Variants in CAPZA2 observed in about 807,000 individuals in gnomAD.
CAPZA2 encodes F-actin-capping protein subunit alpha-2.
A neutral mutation model predicts 44.0 loss-of-function variants in CAPZA2; 13 were observed. The ratio of observed to expected loss-of-function variants is 0.30; its 90% CI spans 0.19 to 0.47. CAPZA2 has a LOEUF of 0.47. Ranked by LOEUF, CAPZA2 falls within the 20% of genes least tolerant of loss-of-function variation. The pLI, the probability that CAPZA2 is intolerant of heterozygous loss-of-function variation, is 1.00. For missense variants in CAPZA2, 244 were observed against 338.6 expected (o/e 0.72, Z 2.19); for synonymous variants, 94 against 108.2 (o/e 0.87, Z 0.81).
chr7:116,916,603 T>C (rs1479961078), intron 9 of CAPZA2, among the ~76,000 whole-genome samples: 1 of 151,958 alleles, frequency 6.6e-6, no homozygotes, highest in East Asian at 1.9e-4. Context: ...TCCAGCCTGG[T>C]GACAGAGCGA....
chr7:116,903,723 CTG>C (rs1245137796), intron 4 of CAPZA2, among the ~76,000 whole-genome samples: 3 of 152,172 alleles, frequency 2.0e-5, no homozygotes, highest in African/African-American at 7.2e-5. Flanking sequence ...GTAGGTAAGA[CTG>C]TGGGCCCAGA....
At chr7:116,875,166 C>T (rs1297838367) in intron 1 of CAPZA2, 2 of 151,554 alleles carry the variant, frequency 1.3e-5, no homozygotes, top group African/African-American at 4.9e-5. Context: ...TCTTTCCTTG[C>T]CTGAACTGTT....
chr7:116,906,666 G>T (rs1315461366), intron 6 of CAPZA2: 3 of 218,022 alleles, frequency 1.4e-5, no homozygotes, highest in African/African-American at 4.6e-5. Context: ...TGAAACTTAT[G>T]TGCAGGAGAA....
chr7:116,865,868 A>T (rs556333552), intron 1 of CAPZA2, among the ~76,000 whole-genome samples: 4 of 152,246 alleles, frequency 2.6e-5, no homozygotes, highest in Non-Finnish European at 5.9e-5. Context: ...GGCATGAGCC[A>T]TGATTCCTAG....
intron 4 of CAPZA2, among the ~76,000 whole-genome samples, chr7:116,899,337 T>G (rs932755177): frequency 4.6e-5 from 7 of 151,962 alleles, no homozygotes; most frequent in Admixed American, 3.9e-4. Context: ...ATTATATGAA[T>G]GCATTTCATG....
intron 1 of CAPZA2, among the ~76,000 whole-genome samples, chr7:116,862,922 CG>C (rs1033603971): frequency 3.3e-5 from 5 of 151,786 alleles, no homozygotes; most frequent in Admixed American, 3.3e-4. Context: ...CGACGGCGGG[CG>C]GGGGCGCGGG....
intron 1 of CAPZA2, 68 bp from the exon 2 acceptor site, chr7:116,888,059 G>A (rs1796786119): frequency 1.9e-6 from 2 of 1,062,598 alleles, no homozygotes; most frequent in Admixed American, 2.0e-5. Flanking sequence ...ATATAATTTT[G>A]CATGTTTTGT....
Position 116,906,260 on chromosome 7 carries a change from A to G in CAPZA2, c.427-3A>G. The G allele has an allele frequency of 6.2e-7, 1 of 1,610,936 alleles. No individual in the cohort carries two copies. The highest frequency in any genetic ancestry group is 8.5e-7 in the Non-Finnish European group (1 of 1,179,352). On this transcript the variant is annotated splice_region_variant and splice_polypyrimidine_tract_variant and intron_variant, in intron 5 of 9. Coordinates refer to ENST00000361183, the MANE Select transcript of CAPZA2 (RefSeq NM_006136.3). ...TCTTATGCTTATTTTCTTTGCCAATAAGGTGTATGGCAAAAAAATAGATGG... is the reference window on the plus strand; with the variant it reads ...TCTTATGCTTATTTTCTTTGCCAATGAGGTGTATGGCAAAAAAATAGATGG...
At chr7:116,887,498 A>G (rs1035174196) in intron 1 of CAPZA2, among the ~76,000 whole-genome samples, 1 of 151,768 alleles carries the variant, frequency 6.6e-6, no homozygotes, top group Non-Finnish European at 1.5e-5. Flanking sequence ...ACTGCACTCC[A>G]GCCTGGTGAC....
intron 1 of CAPZA2, among the ~76,000 whole-genome samples, chr7:116,883,323 A>G (rs1796723480): frequency 6.6e-6 from 1 of 152,056 alleles, no homozygotes; most frequent in South Asian, 2.1e-4. Context: ...AGAATAAATA[A>G]TTTTTAAAAT....
chr7:116,904,436 T>C, intron 5 of CAPZA2, 53 bp downstream of exon 5: 1 of 1,050,342 alleles, frequency 9.5e-7, no homozygotes, highest in Non-Finnish European at 1.5e-6. Context: ...TGTGAGTCTT[T>C]AGCGTCTCTT....
chr7:116,879,675 C>G (rs1204295653), intron 1 of CAPZA2, among the ~76,000 whole-genome samples: 1 of 152,048 alleles, frequency 6.6e-6, no homozygotes, highest in Non-Finnish European at 1.5e-5. Context: ...GCTTGCTTGC[C>G]CACTCCTCAC....
At chr7:116,885,901 A>G (rs1796756305) in intron 1 of CAPZA2, among the ~76,000 whole-genome samples, 1 of 152,180 alleles carries the variant, frequency 6.6e-6, no homozygotes, top group Non-Finnish European at 1.5e-5. Flanking sequence ...GCGACTGGTA[A>G]TAAACATAAC....
At chr7:116,888,250 CCAAAATAAT>C in intron 2 of CAPZA2, 60 bp downstream of exon 2, 1 of 1,184,482 alleles carries the variant, frequency 8.4e-7, no homozygotes. Context: ...TAAAAGAAAA[CCAAAATAAT>C]CAAAATAAGC....
intron 8 of CAPZA2, among the ~76,000 whole-genome samples, chr7:116,912,593 T>C (rs1791612283): frequency 6.6e-6 from 1 of 152,208 alleles, no homozygotes; most frequent in Admixed American, 6.5e-5. Flanking sequence ...TAATATATAG[T>C]CTTTTCTGAC....
chr7:116,863,539 A>G (rs921211423), intron 1 of CAPZA2, among the ~76,000 whole-genome samples: 2 of 152,254 alleles, frequency 1.3e-5, no homozygotes, highest in African/African-American at 4.8e-5. Flanking sequence ...TAATGGAATA[A>G]TTCATTGAAC....
chr7:116,897,355 T>G (rs1398468468), intron 3 of CAPZA2, among the ~76,000 whole-genome samples: 1 of 152,234 alleles, frequency 6.6e-6, no homozygotes, highest in African/African-American at 2.4e-5. Context: ...TTTTTCTTTC[T>G]CACCCTTGTA....
chr7:116,875,338 A>AC (rs1796607822), intron 1 of CAPZA2: 2 of 152,126 alleles, frequency 1.3e-5, no homozygotes, highest in Admixed American at 6.5e-5. Flanking sequence ...TATTTAATAA[A>AC]TTAATTTTAT....
At chr7:116,907,724 T>G (rs1283140304) in intron 6 of CAPZA2, among the ~76,000 whole-genome samples, 2 of 152,174 alleles carry the variant, frequency 1.3e-5, no homozygotes, top group Non-Finnish European at 2.9e-5. Flanking sequence ...CAAGTGATCC[T>G]CCTGCCTCCG....
Sources: gnomAD v4.1 joint callset for allele counts (sites outside exome capture counted in the v4.1 genomes callset) on GRCh38, gnomAD v4.1.1 for gene constraint, MANE v1.5 for transcripts, NCBI Gene and HGNC (gene_info 2026-07-23, HGNC 2026-07-21) for gene names.